The following TMCO6 variants were observed in gnomAD, a reference collection of about 807,000 sequenced individuals.
TMCO6 encodes transmembrane and coiled-coil domains 6.
TMCO6 carries 47 observed loss-of-function variants against 61.8 expected under a neutral mutation model. The observed-to-expected ratio is 0.76, with a 90% CI of 0.60 to 0.97. The LOEUF is 0.97. Among genes scored for constraint, TMCO6 ranks in the 50% least tolerant of loss-of-function variants. TMCO6 has a pLI of 0.00. For synonymous variants in TMCO6, 261 were observed against 254.2 expected (o/e 1.03, Z -0.25); for missense variants, 557 against 601.6 (o/e 0.93, Z 0.78).
chr5:140,629,068 C>T, the TMCO6 span, among the ~76,000 whole-genome samples: 143 of 151,980 alleles, frequency 9.4e-4, 1 homozygote, highest in Non-Finnish European at 8.1e-4. Flanking sequence ...CAGGAATTCA[C>T]AACTAGCCTG....
chr5:140,644,230 A>T (rs766540890), intron 10 of TMCO6, 36 bp downstream of exon 10: 3 of 1,597,168 alleles, frequency 1.9e-6, no homozygotes, highest in Non-Finnish European at 2.6e-6. Flanking sequence ...AAGATCTGGT[A>T]GTCGGATTGT....
rs1485340014 is a variant in TMCO6 at position 140,644,202 on chromosome 5, T to C, written c.1200+8T>C. On this transcript the variant is annotated splice_region_variant and intron_variant, in intron 10 of 11. Transcript: ENST00000394671. The stretch of plus-strand genomic sequence containing the variant: ...AACGTGGTGAGCGTAATGGTATGTA[T>C]TGGGGTTACTTGAATCCAAGATCTG... 6 of 1,613,150 alleles carry C rather than the reference T, an allele frequency of 3.7e-6. No homozygotes were observed. The highest frequency in any genetic ancestry group is 1.6e-4 in the Middle Eastern group (1 of 6,062).
chr5:140,598,063 G>T, the TMCO6 span, among the ~76,000 whole-genome samples: 1 of 152,140 alleles, frequency 6.6e-6, no homozygotes, highest in African/African-American at 2.4e-5. Flanking sequence ...TAGAAAAATG[G>T]AGGAATCTCT....
At chr5:140,626,968 C>T in the TMCO6 span, among the ~76,000 whole-genome samples, 1 of 152,186 alleles carries the variant, frequency 6.6e-6, no homozygotes, top group African/African-American at 2.4e-5. Context: ...AGTATGTCCA[C>T]AGACAGAATT....
chr5:140,637,916 C>T (rs1756808980), upstream of TMCO6, among the ~76,000 whole-genome samples: 1 of 151,838 alleles, frequency 6.6e-6, no homozygotes, highest in African/African-American at 2.4e-5. Flanking sequence ...TTCTCTCTTT[C>T]CCCCTCCCCT....
At chr5:140,636,484 T>A (rs905816929), upstream of TMCO6, among the ~76,000 whole-genome samples, 43 of 146,534 alleles carry the variant, frequency 2.9e-4, no homozygotes, top group African/African-American at 1.0e-3. Context: ...AAAAAATAAA[T>A]AAATAAAATA....
chr5:140,603,065 T>C, the TMCO6 span, among the ~76,000 whole-genome samples: 14 of 152,222 alleles, frequency 9.2e-5, no homozygotes, highest in South Asian at 2.9e-3. Flanking sequence ...GTATTTAGTG[T>C]ATTCGCACTG....
At chr5:140,642,084 G>A (rs755358054) in intron 4 of TMCO6, 31 bp downstream of exon 4, 1 of 1,580,012 alleles carries the variant, frequency 6.3e-7, no homozygotes, top group South Asian at 1.1e-5. Flanking sequence ...TCTTGTTCTT[G>A]GTTTAGATTT....
At chr5:140,634,253 C>G in the TMCO6 span, among the ~76,000 whole-genome samples, 1 of 152,088 alleles carries the variant, frequency 6.6e-6, no homozygotes, top group South Asian at 2.1e-4. Flanking sequence ...AGTACAATCT[C>G]TGTGCCCTAG....
the TMCO6 span, among the ~76,000 whole-genome samples, chr5:140,624,093 G>A: frequency 1.8e-4 from 27 of 152,180 alleles, no homozygotes; most frequent in East Asian, 1.2e-3. Context: ...TAGGCTTGGC[G>A]TGGTGACTCA....
intron 10 of TMCO6, among the ~76,000 whole-genome samples, 159 bp downstream of exon 10, chr5:140,644,353 T>C (rs1757255402): frequency 6.6e-6 from 1 of 152,230 alleles, no homozygotes; most frequent in Non-Finnish European, 1.5e-5. Context: ...AACTGGATTA[T>C]TTATCCTTGG....
At chr5:140,609,386 G>A in the TMCO6 span, 2 of 254,018 alleles carry the variant, frequency 7.9e-6, no homozygotes, top group Non-Finnish European at 8.5e-6. Flanking sequence ...GAGGAAAGCA[G>A]CTGCCCACAA....
chr5:140,601,439 T>A, the TMCO6 span, among the ~76,000 whole-genome samples: 1 of 152,204 alleles, frequency 6.6e-6, no homozygotes, highest in Non-Finnish European at 1.5e-5. Flanking sequence ...GTTGGATAAA[T>A]CATATTTGTC....
chr5:140,638,176 C>T (rs569664795), upstream of TMCO6, among the ~76,000 whole-genome samples: 5 of 152,314 alleles, frequency 3.3e-5, no homozygotes, highest in Non-Finnish European at 7.3e-5. Context: ...TTATTCCTGA[C>T]GCAAGTCCTG....
In TMCO6 at chr5:140,643,259, C is replaced by T. The variant is rs546885830; in HGVS notation, c.806+218C>T. 442 of 675,490 alleles carry T rather than the reference C, an allele frequency of 6.5e-4. 2 individuals carry two copies. In the African/African-American group the frequency reaches 7.3e-3, roughly 11 times the overall value. The allele number at this position is 675,490 out of a possible 1,614,324, so 41.8% of individuals were successfully genotyped here. On this transcript the variant is annotated intron_variant, in intron 7 of 11. Coordinates refer to ENST00000394671, the MANE Select transcript of TMCO6 (RefSeq NM_018502.5). Reference sequence around the variant, plus strand: ...CCAGGCTGGATGGAGTACAGTGGTGCGATCTCAGCTCACTGCAACCTCTGC... The same window carrying T: ...CCAGGCTGGATGGAGTACAGTGGTGTGATCTCAGCTCACTGCAACCTCTGC...
chr5:140,612,408 C>T, the TMCO6 span, among the ~76,000 whole-genome samples: 2 of 142,554 alleles, frequency 1.4e-5, no homozygotes, highest in Admixed American at 7.4e-5. Flanking sequence ...GGTGCTATCT[C>T]GGCTCACTGC....
At chr5:140,647,558 C>T (rs1255776529), downstream of TMCO6, 2 of 1,611,466 alleles carry the variant, frequency 1.2e-6, no homozygotes, top group African/African-American at 2.7e-5. Flanking sequence ...TGCCCCGACT[C>T]CTCGACTTGC....
In TMCO6 at chr5:140,645,318, A is replaced by G. The variant is rs1757331882; in HGVS notation, c.*220A>G. 1.4e-6 allele frequency: 1 copy of G among 721,790 alleles called. No homozygotes were observed. Among genetic ancestry groups the G allele is most frequent in the Non-Finnish European group, 2.4e-6 (1 of 413,168 alleles). The allele number at this position is 721,790 out of a possible 1,614,324, so 44.7% of individuals were successfully genotyped here. A position where few individuals can be genotyped will look rare whatever the true frequency, so the allele number is the denominator to read the frequency against. On this transcript the variant is annotated 3_prime_UTR_variant, in exon 12 of 12. Coordinates refer to ENST00000394671, the MANE Select transcript of TMCO6 (RefSeq NM_018502.5). Reference sequence around the variant, plus strand: ...TGGTCTACTTACTCTGGGGCCCTAGAATCCCTGCCCCCCCGCCACCCTTCA... The same window carrying G: ...TGGTCTACTTACTCTGGGGCCCTAGGATCCCTGCCCCCCCGCCACCCTTCA...
chr5:140,643,772 CT>C lies in TMCO6; in HGVS notation c.919-5del. 1 of 1,612,678 alleles carries C rather than the reference CT, an allele frequency of 6.2e-7. No individual in the cohort carries two copies. Among genetic ancestry groups the C allele is most frequent in the Non-Finnish European group, 8.5e-7 (1 of 1,178,840 alleles). ...TCTTACACCTGACCCCCCAATTTGT[CT>C]TTGCAGCTGGCATGCCCCGTGCTTC... is the stretch of plus-strand genomic sequence containing the variant. On this transcript the variant is annotated splice_polypyrimidine_tract_variant and splice_region_variant and intron_variant, in intron 8 of 11. Transcript: ENST00000394671.
Sources: allele counts gnomAD v4.1 joint callset (sites outside exome capture counted in the v4.1 genomes callset), GRCh38; gene constraint gnomAD v4.1.1; transcripts MANE v1.5; gene names NCBI Gene and HGNC (gene_info 2026-07-23, HGNC 2026-07-21).